HIVEP3: variants seen among roughly 807,000 people sequenced by gnomAD.
HIVEP3 encodes transcription factor HIVEP3.
Under a neutral mutation model 152.8 loss-of-function variants are expected in HIVEP3, and 49 were observed. The observed-to-expected ratio is 0.32, with a 90% CI of 0.26 to 0.41. The LOEUF is 0.41. Ranked by LOEUF, HIVEP3 falls within the 10% of genes least tolerant of loss-of-function variation. The pLI is 1.00. For missense variants in HIVEP3, 2,790 were observed against 3,103.3 expected, an observed-to-expected ratio of 0.90 and a Z score of 2.40; for synonymous variants, 1,269 against 1,289.0, an observed-to-expected ratio of 0.98 and a Z score of 0.33.
chr1:41,860,658 T>C (rs777475012), intron 1 of HIVEP3, among the ~76,000 whole-genome samples: 3 of 152,194 alleles, frequency 2.0e-5, no homozygotes, highest in Non-Finnish European at 4.4e-5. Flanking sequence ...TTGCAGTGTT[T>C]TCAGAGGACC....
chr1:41,633,656 G>A (rs1225636997), intron 2 of HIVEP3, among the ~76,000 whole-genome samples: 1 of 152,036 alleles, frequency 6.6e-6, no homozygotes, highest in Non-Finnish European at 1.5e-5. Flanking sequence ...GGTGCCCTAC[G>A]ATTCTCTGAA....
chr1:41,898,753 T>G (rs1463479262), intron 1 of HIVEP3, among the ~76,000 whole-genome samples: 1 of 152,214 alleles, frequency 6.6e-6, no homozygotes, highest in Non-Finnish European at 1.5e-5. Flanking sequence ...GAGAGACAAA[T>G]GGAGCTTCCT....
At chr1:41,928,408 A>C (rs187167124) in intron 1 of HIVEP3, among the ~76,000 whole-genome samples, 33 of 152,290 alleles carry the variant, frequency 2.2e-4, no homozygotes, top group African/African-American at 7.7e-4. Context: ...GGAATTGTAA[A>C]GATTGTACAA....
At chr1:41,830,077 A>G (rs543190445) in intron 1 of HIVEP3, among the ~76,000 whole-genome samples, 2 of 152,282 alleles carry the variant, frequency 1.3e-5, no homozygotes, top group African/African-American at 4.8e-5. Flanking sequence ...GGTCTCATTG[A>G]CCCCGTAGAT....
chr1:41,613,402 C>T (rs920057516), intron 3 of HIVEP3, among the ~76,000 whole-genome samples: 1 of 152,202 alleles, frequency 6.6e-6, no homozygotes, highest in Non-Finnish European at 1.5e-5. Flanking sequence ...ATGCCCATCT[C>T]CCCAGCTACA....
chr1:41,837,006 C>T (rs1643143524), intron 1 of HIVEP3, among the ~76,000 whole-genome samples: 1 of 152,218 alleles, frequency 6.6e-6, no homozygotes, highest in Admixed American at 6.5e-5. Flanking sequence ...CAATACCAAT[C>T]CTTACCAAAG....
At chr1:41,776,381 G>A (rs982816420) in intron 1 of HIVEP3, among the ~76,000 whole-genome samples, 1 of 152,262 alleles carries the variant, frequency 6.6e-6, no homozygotes, top group Non-Finnish European at 1.5e-5. Context: ...CCTTGTCCAC[G>A]CTTGAGCCAG....
rs546316023 is a variant in HIVEP3 at position 41,667,077 on chromosome 1, T to C, written c.-721+33839A>G. ...CTGGCCCCCAGGGAGTGTTGGCGTT[T>C]CCTTTGCCATGAGCCTCCAGCACTT... On this transcript the variant is annotated intron_variant, in intron 2 of 8. Coordinates refer to ENST00000372583, the MANE Select transcript of HIVEP3 (RefSeq NM_024503.5). Among the ~76,000 whole-genome samples, 13 of 152,306 alleles carry C rather than the reference T, an allele frequency of 8.5e-5. No individual in the cohort carries two copies. In the South Asian group the frequency reaches 2.7e-3, roughly 32 times the overall value.
At chr1:41,768,284 A>G (rs1244108476) in intron 1 of HIVEP3, among the ~76,000 whole-genome samples, 1 of 152,226 alleles carries the variant, frequency 6.6e-6, no homozygotes, top group Non-Finnish European at 1.5e-5. Context: ...GAAAGCTTGT[A>G]TGGGGAACTC....
At chr1:41,619,441 A>G (rs1325469360) in intron 3 of HIVEP3, among the ~76,000 whole-genome samples, 1 of 152,248 alleles carries the variant, frequency 6.6e-6, no homozygotes, top group Non-Finnish European at 1.5e-5. Flanking sequence ...TATACAGTCT[A>G]TAGAGAGTGT....
chr1:41,764,952 G>A (rs1647919300), intron 1 of HIVEP3, among the ~76,000 whole-genome samples: 1 of 152,198 alleles, frequency 6.6e-6, no homozygotes, highest in South Asian at 2.1e-4. Context: ...GGGTGGCATG[G>A]GATAGATGCT....
chr1:41,824,037 T>C (rs1642686196), intron 1 of HIVEP3, among the ~76,000 whole-genome samples: 1 of 152,230 alleles, frequency 6.6e-6, no homozygotes, highest in Non-Finnish European at 1.5e-5. Flanking sequence ...GGAAGCACCA[T>C]TGTGTAGGAC....
intron 6 of HIVEP3, among the ~76,000 whole-genome samples, chr1:41,522,959 A>G (rs943496530): frequency 3.3e-5 from 5 of 152,208 alleles, no homozygotes. Context: ...GAGGGAACTA[A>G]CTGCTCACAG....
chr1:41,583,962 C>T lies in HIVEP3; in HGVS notation c.836G>A (p.Gly279Glu), dbSNP rs759455746. The change falls in exon 4 of 9, where the codon GGA (glycine) becomes GAA (glutamate). Residue 279 changes from glycine (G) to glutamate (E), a missense_variant. This residue lies in a region of HIVEP3 where 125 missense variants were observed against 130.1 expected (regional missense o/e 0.96). Coordinates refer to ENST00000372583, the MANE Select transcript of HIVEP3 (RefSeq NM_024503.5). The surrounding 1 kb of genome is among the most constrained non-coding windows in gnomAD (Gnocchi z 6.9). ...CTCCTCTTCAGAATCTGTGCTTTCT[C>T]CCTCAGTGGGCTCCTCAAACTCTTC... ...PGEEFEEPTE[G>E]ESTDSEEETS... The T allele has an allele frequency of 3.1e-6, 5 of 1,614,040 alleles. No individual in the cohort carries two copies. Among genetic ancestry groups the T allele is most frequent in the Non-Finnish European group, 4.2e-6 (5 of 1,180,036 alleles).
At chr1:41,723,071 T>C (rs905593907) in intron 1 of HIVEP3, among the ~76,000 whole-genome samples, 2 of 152,128 alleles carry the variant, frequency 1.3e-5, no homozygotes, top group Non-Finnish European at 2.9e-5. Flanking sequence ...AGGATTTTAT[T>C]TGGGGAATGA....
chr1:41,694,649 C>G (rs1398956210), intron 2 of HIVEP3, among the ~76,000 whole-genome samples: 2 of 152,140 alleles, frequency 1.3e-5, no homozygotes, highest in African/African-American at 4.8e-5. Context: ...TGCAACATGC[C>G]CCAACACCTG....
intron 1 of HIVEP3, among the ~76,000 whole-genome samples, chr1:41,729,462 C>G (rs1646805663): frequency 6.6e-6 from 1 of 152,238 alleles, no homozygotes; most frequent in South Asian, 2.1e-4. Context: ...TGTCCAGGGA[C>G]CACGGGTTTC....
chr1:41,781,061 C>T lies in HIVEP3; in HGVS notation c.-800-80066G>A, dbSNP rs115995803. On this transcript the variant is annotated intron_variant, in intron 1 of 8. Transcript: ENST00000372583. Reference sequence around the variant, plus strand: ...TAATTGGCAATAAAATCTCTTAAAACAAACAGGGTTGTGCAGTAAGTGGAG... The same window carrying T: ...TAATTGGCAATAAAATCTCTTAAAATAAACAGGGTTGTGCAGTAAGTGGAG... Among the ~76,000 whole-genome samples, 883 of 152,302 alleles carry T rather than the reference C, an allele frequency of 5.8e-3. 4 individuals are homozygous for T. The highest frequency in any genetic ancestry group is 0.02 in the African/African-American group (841 of 41,544).
chr1:41,760,748 C>T (rs956893906), intron 1 of HIVEP3, among the ~76,000 whole-genome samples: 4 of 152,210 alleles, frequency 2.6e-5, no homozygotes, highest in African/African-American at 9.6e-5. Context: ...TCCCCAGTTT[C>T]ACAGTCTGCC....
Sources: allele counts gnomAD v4.1 joint callset (sites outside exome capture counted in the v4.1 genomes callset), GRCh38; gene constraint gnomAD v4.1.1; regional missense constraint gnomAD v4.1.1; non-coding constraint Gnocchi (gnomAD v3.1); transcripts MANE v1.5; gene names NCBI Gene and HGNC (gene_info 2026-07-23, HGNC 2026-07-21).